The following DMBT1 variants were observed in gnomAD, a reference collection of about 807,000 sequenced individuals.
The protein encoded by DMBT1 is scavenger receptor cysteine-rich domain-containing protein DMBT1.
DMBT1 carries 198 observed loss-of-function variants against 252.9 expected under a neutral mutation model. That is an observed-to-expected ratio of 0.78 (90% CI 0.70 to 0.88). The LOEUF is 0.88. DMBT1 is among the 40% of genes least tolerant of loss of function. DMBT1 has a pLI of 0.00. For missense variants in DMBT1, 2,432 were observed against 2,404.7 expected, an observed-to-expected ratio of 1.01 and a Z score of -0.24; for synonymous variants, 990 against 942.7, an observed-to-expected ratio of 1.05 and a Z score of -0.92.
chr10:122,577,213 T>G (rs1286685449), intron 7 of DMBT1, among the ~76,000 whole-genome samples: 4 of 152,222 alleles, frequency 2.6e-5, no homozygotes, highest in African/African-American at 9.6e-5. Context: ...CAGCACGTTT[T>G]GGGGATCTGG....
chr10:122,575,865 G>A (rs2097707450), intron 6 of DMBT1, among the ~76,000 whole-genome samples: 1 of 152,142 alleles, frequency 6.6e-6, no homozygotes, highest in African/African-American at 2.4e-5. Context: ...AGACCAGTGG[G>A]ATCAGTCTCC....
Position 122,565,963 on chromosome 10 carries a change from C to T in DMBT1, c.62-4C>T. The T allele has an allele frequency of 6.2e-7, 1 of 1,613,862 alleles. No individual in the cohort carries two copies. The highest frequency in any genetic ancestry group is 8.5e-7 in the Non-Finnish European group (1 of 1,179,772). ...TTTCTAAGACGAATTTGTGTTCTTT[C>T]CAGGTGGGTGGATCCCAAGGACTAC... On this transcript the variant is annotated splice_polypyrimidine_tract_variant and splice_region_variant and intron_variant, in intron 1 of 55. Coordinates refer to ENST00000338354, the MANE Select transcript of DMBT1 (RefSeq NM_001377530.1).
rs764090682 is a variant in DMBT1 at position 122,598,838 on chromosome 10, G to C, written c.3021G>C (p.Glu1007Asp). Residue 1007 changes from glutamate to aspartate, a missense_variant, in exon 26 of 56, where the codon GAG (glutamate) becomes GAC (aspartate). Physicochemically the swap from Glu to Asp is conservative, Grantham distance 45. Coordinates refer to ENST00000338354, the MANE Select transcript of DMBT1 (RefSeq NM_001377530.1). ...GTGACAGGTGTCAGGGCCGAGTGGA[G>C]GTCCTATACCAAGGCTCCTGGGGCA... ...NGGDRCQGRV[E>D]VLYQGSWGTV... The C allele has an allele frequency of 4.3e-6, 7 of 1,613,596 alleles. No individual in the cohort carries two copies. In the African/African-American group the frequency reaches 8.0e-5, roughly 18 times the overall value.
At position 122,572,366 on chromosome 10, in the gene DMBT1, C is replaced by T. The variant is rs746581200; in HGVS notation, c.235+5C>T. ...TGGAGTCAACCGTAGCAGAAGGTAA[C>T]GTCTACTATGGGGGAGCTCTATGGG... is the stretch of plus-strand genomic sequence containing the variant. On this transcript the variant is annotated splice_donor_5th_base_variant and intron_variant, in intron 5 of 55. Transcript: ENST00000338354. 1.4e-5 allele frequency: 22 copies of T among 1,612,768 alleles called. No homozygotes were observed. The East Asian group carries it at 1.8e-4, about 13-fold the overall frequency.
At chr10:122,585,143 G>A in intron 14 of DMBT1, 128 bp from the exon 15 acceptor site, 7 of 1,262,476 alleles carry the variant, frequency 5.5e-6, no homozygotes, top group Non-Finnish European at 6.8e-6. Flanking sequence ...GCAGACACAT[G>A]GGGAGCAAAG....
chr10:122,634,440 CT>C (rs2098204065), intron 52 of DMBT1, among the ~76,000 whole-genome samples: 1 of 54,790 alleles, frequency 1.8e-5, no homozygotes, highest in East Asian at 6.5e-4. Flanking sequence ...TTCTCTCTCT[CT>C]CTCTCTCTCT....
rs543589037 is a variant in DMBT1 at position 122,637,181 on chromosome 10, C to A, written c.6811C>A (p.Gln2271Lys). 1.3e-3 allele frequency: 2,138 copies of A among 1,614,052 alleles called. 38 individuals are homozygous for A. In the South Asian group the frequency reaches 0.022, roughly 17 times the overall value. The change falls in exon 54 of 56, where the codon CAA (glutamine) becomes AAA (lysine). Residue 2271 changes from glutamine to lysine, a missense_variant. This residue lies in a region of DMBT1 where 1,162 missense variants were observed against 1,169.0 expected (regional missense o/e 0.99). Transcript: ENST00000338354. ...AGCCAGTGTGAGCAGGAGCTATCTC[C>A]AATCCTTGGGCTTTTCTGCCAGTGA... ...MQASVSRSYLQSLGFSASDLV... is the reference protein window; with the variant it reads ...MQASVSRSYLKSLGFSASDLV...
chr10:122,577,725 T>C, intron 7 of DMBT1, 86 bp from the exon 8 acceptor site: 2 of 1,490,088 alleles, frequency 1.3e-6, no homozygotes, highest in Non-Finnish European at 1.8e-6. Context: ...CAGCTCAGGG[T>C]GTAGATACCC....
chr10:122,621,028 G>C, intron 43 of DMBT1, 29 bp from the exon 44 acceptor site: 1 of 1,612,074 alleles, frequency 6.2e-7, no homozygotes, highest in Non-Finnish European at 8.5e-7. Context: ...TAATCAGTAT[G>C]GATGAAGGGT....
In DMBT1 at chr10:122,570,190, G is replaced by T; in HGVS notation, c.120G>T (p.Leu40Phe). ...YASLIPSEVP[L>F]DPTVAEGSPF... ...CACTGATTCCCTCGGAGGTGCCCTT[G>T]GATCCAACTGTAGCAGAAGGTAAGG... is the stretch of plus-strand genomic sequence containing the variant. Residue 40 changes from leucine (L) to phenylalanine (F), a missense_variant, in exon 3 of 56, where the codon TTG becomes TTT. Coordinates refer to ENST00000338354, the MANE Select transcript of DMBT1 (RefSeq NM_001377530.1). 1 of 1,593,442 alleles carries T rather than the reference G, an allele frequency of 6.3e-7. No individual in the cohort carries two copies. The highest frequency in any genetic ancestry group is 1.1e-5 in the South Asian group (1 of 90,624).
chr10:122,617,672 A>T (rs1038200187), intron 40 of DMBT1, among the ~76,000 whole-genome samples: 6 of 151,580 alleles, frequency 4.0e-5, no homozygotes, highest in Non-Finnish European at 8.8e-5. Context: ...GACCATGTGG[A>T]TGCCACCAAA....
At chr10:122,600,732 G>A (rs571807090) in intron 27 of DMBT1, among the ~76,000 whole-genome samples, 1 of 152,090 alleles carries the variant, frequency 6.6e-6, no homozygotes, top group Non-Finnish European at 1.5e-5. Context: ...GATGTGGGAT[G>A]GCATGGTGGG....
In DMBT1 at chr10:122,578,716, A is replaced by C. The variant is rs1381769929; in HGVS notation, c.638-2A>C. 7.5e-6 allele frequency: 12 copies of C among 1,607,970 alleles called. No homozygotes were observed. The highest frequency in any genetic ancestry group is 1.0e-5 in the Non-Finnish European group (12 of 1,176,834). On this transcript the variant is annotated splice_acceptor_variant, in intron 8 of 55. Transcript: ENST00000338354. LOFTEE classifies it high-confidence loss of function. ...ATCCTTTCTCTTTGTTGCTGTTTAC[A>C]GAAAGTTGGCCTGTCAGGATATCAC...
chr10:122,630,877 T>C, intron 48 of DMBT1, 84 bp from the exon 49 acceptor site: 2 of 1,424,586 alleles, frequency 1.4e-6, no homozygotes, highest in Non-Finnish European at 1.9e-6. Flanking sequence ...GGAAAAGGCC[T>C]GTGGGATGCT....
chr10:122,635,540 T>C (rs2098219657), intron 52 of DMBT1, among the ~76,000 whole-genome samples: 1 of 152,062 alleles, frequency 6.6e-6, no homozygotes, highest in Admixed American at 6.6e-5. Flanking sequence ...TTTCTTTTGT[T>C]TCAATTTTTA....
intron 18 of DMBT1, 140 bp downstream of exon 18, chr10:122,590,834 T>A: frequency 9.2e-7 from 1 of 1,091,548 alleles, no homozygotes; most frequent in Non-Finnish European, 1.3e-6. Context: ...ACTGAGACCC[T>A]AGCATGGAGC....
chr10:122,566,164 T>C (rs1027805970), intron 2 of DMBT1, among the ~76,000 whole-genome samples, 168 bp downstream of exon 2: 1 of 152,170 alleles, frequency 6.6e-6, no homozygotes, highest in African/African-American at 2.4e-5. Context: ...ACCTGGGGCA[T>C]GTCTCAAGTG....
rs1346765720 is a variant in DMBT1, at chr10:122,561,587, T to TC, written c.61+757dup. On this transcript the variant is annotated intron_variant, in intron 1 of 55. Transcript: ENST00000338354. ...CTCTCTGCCTCTCTCTCTCTCTCTT[T>TC]CTCTCTTATCTATTGTGTAGTTATT... is the stretch of plus-strand genomic sequence containing the variant. Among the ~76,000 whole-genome samples the TC allele has an allele frequency of 6.6e-5, 10 of 152,128 alleles. No homozygotes were observed. In the East Asian group the frequency reaches 1.9e-3, roughly 29 times the overall value.
intron 24 of DMBT1, among the ~76,000 whole-genome samples, 173 bp from the exon 25 acceptor site, chr10:122,597,801 A>G (rs937521715): frequency 6.6e-6 from 1 of 152,186 alleles, no homozygotes; most frequent in Admixed American, 6.5e-5. Context: ...AGCAAGGCCT[A>G]TGACCCTTGC....
Sources: gnomAD v4.1 joint callset for allele counts (sites outside exome capture counted in the v4.1 genomes callset) on GRCh38, gnomAD v4.1.1 for gene constraint, gnomAD v4.1.1 regional missense constraint, MANE v1.5 for transcripts, NCBI Gene and HGNC (gene_info 2026-07-23, HGNC 2026-07-21) for gene names.